SIPA1L3: variants seen among roughly 807,000 people sequenced by gnomAD.
SIPA1L3 encodes signal induced proliferation associated 1 like 3, also known as signal-induced proliferation-associated 1-like protein 3.
SIPA1L3 carries 59 observed loss-of-function variants against 150.1 expected under a neutral mutation model. The ratio of observed to expected loss-of-function variants is 0.39; its 90% CI spans 0.32 to 0.49. The LOEUF (loss-of-function observed/expected upper bound fraction) is 0.49, where lower values mean the gene tolerates loss of function less well. Among genes scored for constraint, SIPA1L3 ranks in the 20% least tolerant of loss-of-function variants. The pLI, the probability that SIPA1L3 is intolerant of heterozygous loss-of-function variation, is 0.86. For missense variants in SIPA1L3, 2,211 were observed against 2,489.5 expected, an observed-to-expected ratio of 0.89 and a Z score of 2.38; for synonymous variants, 1,070 against 1,077.6, an observed-to-expected ratio of 0.99 and a Z score of 0.14.
intron 10 of SIPA1L3, among the ~76,000 whole-genome samples, chr19:38,131,944 G>A (rs993588394): frequency 4.6e-5 from 7 of 151,866 alleles, no homozygotes; most frequent in African/African-American, 7.3e-5. Context: ...CAGCAATTTC[G>A]TAGTGTCAAC....
chr19:38,030,237 C>T (rs1968614630), intron 2 of SIPA1L3, among the ~76,000 whole-genome samples: 2 of 152,068 alleles, frequency 1.3e-5, no homozygotes, highest in African/African-American at 4.8e-5. Context: ...CCCCACCGCC[C>T]CACTATGTGA....
intron 2 of SIPA1L3, among the ~76,000 whole-genome samples, chr19:38,058,415 C>G (rs1386066865): frequency 6.6e-6 from 1 of 152,130 alleles, no homozygotes; most frequent in Non-Finnish European, 1.5e-5. Context: ...AGACAGGTGC[C>G]CCCCTGCATG....
intron 11 of SIPA1L3, 45 bp downstream of exon 11, chr19:38,141,480 C>G: frequency 6.4e-7 from 1 of 1,571,158 alleles, no homozygotes; most frequent in Non-Finnish European, 8.6e-7. Context: ...CCCCCACCAG[C>G]CCACACCCAT....
At chr19:38,115,567 C>G (rs544059769) in intron 8 of SIPA1L3, among the ~76,000 whole-genome samples, 1 of 152,246 alleles carries the variant, frequency 6.6e-6, no homozygotes, top group South Asian at 2.1e-4. Context: ...GTGGCCTTGC[C>G]CCTGGTGACC....
chr19:38,098,392 A>ATTTTTT (rs71179411), intron 4 of SIPA1L3, among the ~76,000 whole-genome samples: 2 of 113,728 alleles, frequency 1.8e-5, no homozygotes, highest in African/African-American at 3.4e-5. Flanking sequence ...AGGGGCTTTC[A>ATTTTTT]TTTTTTTTTT....
intron 1 of SIPA1L3, among the ~76,000 whole-genome samples, chr19:37,980,765 C>T (rs938121926): frequency 2.6e-5 from 4 of 152,130 alleles, no homozygotes; most frequent in Admixed American, 6.5e-5. Context: ...TACACTTGGC[C>T]GTCATTCCAT....
intron 1 of SIPA1L3, among the ~76,000 whole-genome samples, chr19:37,982,858 G>A (rs550052928): frequency 4.6e-5 from 7 of 152,168 alleles, no homozygotes; most frequent in Non-Finnish European, 8.8e-5. Flanking sequence ...ACGGGGTCAA[G>A]CAGGGGCATC....
At chr19:37,926,324 C>T (rs973276854) in intron 1 of SIPA1L3, among the ~76,000 whole-genome samples, 1 of 152,206 alleles carries the variant, frequency 6.6e-6, no homozygotes, top group Non-Finnish European at 1.5e-5. Flanking sequence ...TGCTATTAAG[C>T]CCAGCAAGAG....
chr19:37,963,604 C>T (rs1324949737), intron 1 of SIPA1L3, among the ~76,000 whole-genome samples: 1 of 152,254 alleles, frequency 6.6e-6, no homozygotes, highest in African/African-American at 2.4e-5. Context: ...CATGTTCCCA[C>T]TGTTCTTACT....
chr19:38,029,697 C>G (rs998503657), intron 2 of SIPA1L3, among the ~76,000 whole-genome samples: 4 of 152,104 alleles, frequency 2.6e-5, no homozygotes, highest in African/African-American at 9.7e-5. Context: ...CTCCCGGGTT[C>G]AAGCGATTCT....
intron 13 of SIPA1L3, among the ~76,000 whole-genome samples, chr19:38,158,439 G>A (rs530582639): frequency 2.6e-5 from 4 of 152,316 alleles, no homozygotes; most frequent in African/African-American, 7.2e-5. Flanking sequence ...CTGAGATCAG[G>A]GAGGGGACGG....
intron 1 of SIPA1L3, among the ~76,000 whole-genome samples, chr19:37,962,301 G>A (rs1446560803): frequency 6.6e-6 from 1 of 151,568 alleles, no homozygotes; most frequent in East Asian, 1.9e-4. Flanking sequence ...GCGCCACCAC[G>A]CCTGGCTGAT....
chr19:38,048,011 C>A (rs1320938206), intron 2 of SIPA1L3, among the ~76,000 whole-genome samples: 1 of 152,144 alleles, frequency 6.6e-6, no homozygotes, highest in Non-Finnish European at 1.5e-5. Flanking sequence ...CTCTCGTGCA[C>A]AGAGAATCGT....
chr19:38,009,690 G>C (rs1361659450), intron 1 of SIPA1L3, among the ~76,000 whole-genome samples: 1 of 152,064 alleles, frequency 6.6e-6, no homozygotes, highest in African/African-American at 2.4e-5. Context: ...CCAGCCACAC[G>C]TCCACAGGAT....
At chr19:37,939,472 A>G (rs534419932) in intron 1 of SIPA1L3, among the ~76,000 whole-genome samples, 13 of 151,908 alleles carry the variant, frequency 8.6e-5, no homozygotes, top group African/African-American at 2.9e-4. Context: ...ACAGTGGCCT[A>G]AGCAAGATAG....
At chr19:38,124,500 C>T (rs1299528684) in intron 9 of SIPA1L3, among the ~76,000 whole-genome samples, 15 of 150,380 alleles carry the variant, frequency 1.0e-4, no homozygotes, top group African/African-American at 3.2e-4. Flanking sequence ...CGGGCAGAGA[C>T]GCTCCTCACT....
rs575724957 is a variant in SIPA1L3 at position 38,164,151 on chromosome 19, C to T, written c.3781-328C>T. 6.6e-6 allele frequency among the ~76,000 whole-genome samples: 1 copy of T among 152,084 alleles called. No homozygotes were observed. The highest frequency in any genetic ancestry group is 1.5e-5 in the Non-Finnish European group (1 of 67,998). On this transcript the variant is annotated intron_variant, in intron 14 of 21. Coordinates refer to ENST00000222345, the MANE Select transcript of SIPA1L3 (RefSeq NM_015073.3). This position sits in a 1 kb window ranked among gnomAD's most constrained non-coding sequence, Gnocchi z 4.1. ...CAGGGGCAGCTGAAAGCATGGCCGGCGTCATTGAGATGAGGAAGACGCTGC... is the reference window on the plus strand; with the variant it reads ...CAGGGGCAGCTGAAAGCATGGCCGGTGTCATTGAGATGAGGAAGACGCTGC...
At chr19:37,935,077 G>A (rs1022924591) in intron 1 of SIPA1L3, among the ~76,000 whole-genome samples, 3 of 152,122 alleles carry the variant, frequency 2.0e-5, no homozygotes, top group Non-Finnish European at 4.4e-5. Flanking sequence ...CTTTGAGAAT[G>A]AATATGAAGT....
intron 2 of SIPA1L3, among the ~76,000 whole-genome samples, chr19:38,041,664 A>C (rs1968927627): frequency 6.6e-6 from 1 of 150,834 alleles, no homozygotes; most frequent in Admixed American, 6.6e-5. Context: ...CTGGTCTCGA[A>C]CTCCTAACCT....
Sources: allele counts gnomAD v4.1 joint callset (sites outside exome capture counted in the v4.1 genomes callset), GRCh38; gene constraint gnomAD v4.1.1; non-coding constraint Gnocchi (gnomAD v3.1); transcripts MANE v1.5; gene names NCBI Gene and HGNC (gene_info 2026-07-23, HGNC 2026-07-21).